The following CFAP70 variants were observed in gnomAD, a reference collection of about 807,000 sequenced individuals.
CFAP70 encodes cilia and flagella associated protein 70.
A neutral mutation model predicts 137.6 loss-of-function variants in CFAP70; 81 were observed. That is an observed-to-expected ratio of 0.59 (90% confidence interval 0.49 to 0.71). CFAP70 has a LOEUF of 0.71. Ranked by LOEUF, CFAP70 falls within the 30% of genes least tolerant of loss-of-function variation. CFAP70 has a pLI of 0.00. For synonymous variants in CFAP70, 382 were observed against 423.6 expected, an observed-to-expected ratio of 0.90 and a Z score of 1.20; for missense variants, 976 against 1,226.7, an observed-to-expected ratio of 0.80 and a Z score of 3.05.
At chr10:73,339,065 T>C (rs144861099) in intron 6 of CFAP70, among the ~76,000 whole-genome samples, 32 of 151,966 alleles carry the variant, frequency 2.1e-4, no homozygotes, top group Non-Finnish European at 4.1e-4. Flanking sequence ...ATTACAGGTG[T>C]GTGCCAACGT....
intron 3 of CFAP70, among the ~76,000 whole-genome samples, chr10:73,350,329 C>T (rs1230509184): frequency 6.6e-6 from 1 of 152,176 alleles, no homozygotes; most frequent in Non-Finnish European, 1.5e-5. Context: ...TGTTATCAAA[C>T]TCTGTGACCT....
At chr10:73,337,547 G>A (rs530450832) in intron 6 of CFAP70, among the ~76,000 whole-genome samples, 2 of 152,202 alleles carry the variant, frequency 1.3e-5, no homozygotes, top group African/African-American at 4.8e-5. Flanking sequence ...TTTCCCAACA[G>A]ATACTAGTTC....
At chr10:73,331,257 C>T (rs747754628) in exon 8 of CFAP70, 5 of 1,613,128 alleles carry the variant, frequency 3.1e-6, no homozygotes, top group Middle Eastern at 1.7e-4. Flanking sequence ...AGCCGGCAAT[C>T]GGCAATTCGC....
chr10:73,277,194 T>C, intron 21 of CFAP70, 46 bp downstream of exon 22: 2 of 1,580,190 alleles, frequency 1.3e-6, no homozygotes, highest in Non-Finnish European at 1.7e-6. Flanking sequence ...AATAAAGAGT[T>C]TGCTAAAATC....
At chr10:73,297,233 G>GGTCT in intron 14 of CFAP70, 60 bp from the exon 16 acceptor site, 1 of 1,543,824 alleles carries the variant, frequency 6.5e-7, no homozygotes, top group East Asian at 2.3e-5. Flanking sequence ...TGAGAGCACG[G>GGTCT]GTCTCTCTAG....
chr10:73,285,399 A>T (rs1397727128), intron 19 of CFAP70, among the ~76,000 whole-genome samples: 1 of 152,242 alleles, frequency 6.6e-6, no homozygotes. Flanking sequence ...TACAAGAAAT[A>T]TCAAAAAACC....
At chr10:73,313,542 CAAAAAA>C (rs35177327) in intron 9 of CFAP70, among the ~76,000 whole-genome samples, 4 of 90,318 alleles carry the variant, frequency 4.4e-5, no homozygotes, top group Admixed American at 1.3e-4. Context: ...GACTCTGTCT[CAAAAAA>C]AAAAAAAAAA....
intron 8 of CFAP70, among the ~76,000 whole-genome samples, chr10:73,325,678 G>C (rs1208099079): frequency 6.6e-6 from 1 of 152,024 alleles, no homozygotes; most frequent in Non-Finnish European, 1.5e-5. Context: ...AAAGGCAAGG[G>C]TTGCAATCCT....
chr10:73,263,257 A>C (rs573188559), intron 25 of CFAP70, among the ~76,000 whole-genome samples: 2 of 152,076 alleles, frequency 1.3e-5, no homozygotes, highest in South Asian at 2.1e-4. Flanking sequence ...CATCATGCCC[A>C]GCTAATTTTT....
intron 3 of CFAP70, among the ~76,000 whole-genome samples, chr10:73,349,372 T>C (rs1389023323): frequency 6.6e-6 from 1 of 151,748 alleles, no homozygotes; most frequent in East Asian, 1.9e-4. Context: ...ACCCCATCTC[T>C]ACTAAAAATA....
rs1382971455 is a variant in CFAP70 at position 73,275,316 on chromosome 10, T to C, written c.2673+130A>G. ...CTTAAGAAAAGCAAATGGAAGGGTA[T>C]AGAGAGATGAGTTTACTGACAGCTG... On this transcript the variant is annotated intron_variant, in intron 22 of 26. Coordinates refer to ENST00000310715, the Ensembl canonical transcript of CFAP70. The surrounding 1 kb of genome is among the most constrained non-coding windows in gnomAD (Gnocchi z 4.0). 9.3e-6 allele frequency: 10 copies of C among 1,076,950 alleles called. No individual in the cohort carries two copies. Among genetic ancestry groups the C allele is most frequent in the Non-Finnish European group, 1.1e-5 (8 of 756,416 alleles). The allele number at this position is 1,076,950 out of a possible 1,614,324, so 66.7% of individuals were successfully genotyped here.
At chr10:73,297,101 T>C (rs2048600987) in exon 15 of CFAP70, 1 of 1,613,846 alleles carries the variant, frequency 6.2e-7, no homozygotes, top group Admixed American at 1.7e-5. Context: ...CTGATAAATG[T>C]CTGAAGTTCC....
intron 22 of CFAP70, 40 bp from the exon 24 acceptor site, chr10:73,274,634 G>C: frequency 2.7e-6 from 4 of 1,483,708 alleles, no homozygotes; most frequent in South Asian, 1.3e-5. Flanking sequence ...GGATAAGGTA[G>C]TATTTAAAAG....
intron 19 of CFAP70, among the ~76,000 whole-genome samples, chr10:73,283,589 CTT>C (rs2047424766): frequency 1.3e-5 from 2 of 152,182 alleles, no homozygotes; most frequent in African/African-American, 4.8e-5. Flanking sequence ...TAATGTTTCT[CTT>C]TGTCTCAATT....
chr10:73,310,136 T>C, intron 12 of CFAP70, 22 bp downstream of exon 13: 1 of 1,534,818 alleles, frequency 6.5e-7, no homozygotes, highest in Non-Finnish European at 8.9e-7. Flanking sequence ...ACAAAACTAG[T>C]ATAAGCACCA....
intron 17 of CFAP70, 38 bp from the exon 19 acceptor site, chr10:73,291,793 C>T: frequency 1.9e-6 from 3 of 1,613,366 alleles, no homozygotes; most frequent in Non-Finnish European, 2.5e-6. Context: ...CAACACGGTC[C>T]CATGTCACAT....
At chr10:73,323,233 G>T in intron 8 of CFAP70, 136 bp from the exon 10 acceptor site, 2 of 672,274 alleles carry the variant, frequency 3.0e-6, no homozygotes, top group Non-Finnish European at 4.4e-6. Flanking sequence ...CTTTGGGCCA[G>T]TTACATAAGA....
chr10:73,293,293 G>T, exon 16 of CFAP70: 2 of 1,612,282 alleles, frequency 1.2e-6, no homozygotes, highest in Non-Finnish European at 1.7e-6. Flanking sequence ...CCATCTCAAA[G>T]TTCTCATTGA....
In CFAP70 at chr10:73,275,764, C is replaced by T; in HGVS notation, c.2521-166G>A. ...GGTGAATTACAAACATTCTGCACTT[C>T]ATAGTTCCATTACCAGCTATTCACC... On this transcript the variant is annotated intron_variant, in intron 21 of 26. Transcript: ENST00000310715. This position sits in a 1 kb window ranked among gnomAD's most constrained non-coding sequence, Gnocchi z 4.0. 1 of 566,952 alleles carries T rather than the reference C, an allele frequency of 1.8e-6. No homozygotes were observed. The highest frequency in any genetic ancestry group is 2.9e-6 in the Non-Finnish European group (1 of 349,660). The allele number at this position is 566,952 out of a possible 1,614,324, so 35.1% of individuals were successfully genotyped here. A position where few individuals can be genotyped will look rare whatever the true frequency, so the allele number is the denominator to read the frequency against.
Sources: gnomAD v4.1 joint callset for allele counts (sites outside exome capture counted in the v4.1 genomes callset) on GRCh38, gnomAD v4.1.1 for gene constraint, Gnocchi (gnomAD v3.1) non-coding constraint, MANE v1.5 for transcripts, NCBI Gene and HGNC (gene_info 2026-07-23, HGNC 2026-07-21) for gene names.